The following TEP1 variants were observed in gnomAD, a reference collection of about 807,000 sequenced individuals.
TEP1 encodes the protein telomerase protein component 1.
A neutral mutation model predicts 306.3 loss-of-function variants in TEP1; 241 were observed. The ratio of observed to expected loss-of-function variants is 0.79; its 90% CI spans 0.71 to 0.88. The LOEUF (loss-of-function observed/expected upper bound fraction) is 0.88. Among genes scored for constraint, TEP1 ranks in the 40% least tolerant of loss-of-function variants. The pLI, the probability that TEP1 is intolerant of heterozygous loss-of-function variation, is 0.00. For missense variants in TEP1, 3,051 were observed against 3,276.1 expected (o/e 0.93, Z 1.68); for synonymous variants, 1,289 against 1,305.5 (o/e 0.99, Z 0.27).
chr14:20,372,885 T>C, intron 48 of TEP1, 28 bp from the exon 49 acceptor site: 2 of 1,614,044 alleles, frequency 1.2e-6, no homozygotes, highest in South Asian at 2.2e-5. Flanking sequence ...TTCAATTCAG[T>C]GCTTCTGATG....
chr14:20,386,403 C>T, intron 19 of TEP1, 44 bp downstream of exon 19: 1 of 1,576,444 alleles, frequency 6.3e-7, no homozygotes, highest in East Asian at 2.3e-5. Context: ...ACCACTCAAG[C>T]CCCTCATCCC....
chr14:20,366,911 GGCC>G lies in TEP1; in HGVS notation c.*1523_*1525del, dbSNP rs1389988581. The G allele has an allele frequency of 6.6e-6, 1 of 152,124 alleles. No individual in the cohort carries two copies. Among genetic ancestry groups the G allele is most frequent in the African/African-American group, 2.4e-5 (1 of 41,438 alleles). The allele number at this position is 152,124 out of a possible 1,614,324, so 9.4% of individuals were successfully genotyped here. On this transcript the variant is annotated 3_prime_UTR_variant, in exon 55 of 55. Transcript: ENST00000262715. The stretch of plus-strand genomic sequence containing the variant: ...TGCCTTTTGCTCTCCTAAAAGCATG[GGCC>G]AAGGGCAGGAGGAAGCTCTAGTTGT...
intron 9 of TEP1, among the ~76,000 whole-genome samples, chr14:20,399,175 G>T (rs1878459857): frequency 6.6e-6 from 1 of 152,206 alleles, no homozygotes; most frequent in Non-Finnish European, 1.5e-5. Context: ...TTACAGGCGT[G>T]AGCCATGGTG....
In TEP1 at chr14:20,390,735, C is replaced by T; in HGVS notation, c.2280G>A (p.Trp760Ter). The T allele has an allele frequency of 6.2e-7, 1 of 1,614,158 alleles. No individual in the cohort carries two copies. Among genetic ancestry groups the T allele is most frequent in the Non-Finnish European group, 8.5e-7 (1 of 1,180,026 alleles). Residue 760 changes from tryptophan (W) to a stop codon, truncating the protein, a stop_gained, in exon 15 of 55, where the codon TGG becomes TGA. Transcript: ENST00000262715. LOFTEE classifies it high-confidence loss of function. ...GGTATTTCCCAAAAGTATTCAGGGA[C>T]CATCCATCATTTTCATCAAACTCCT... ...QVQEFDENDG[W>*]SLNTFGKYLL...
intron 2 of TEP1, among the ~76,000 whole-genome samples, chr14:20,406,978 A>T (rs963081206): frequency 6.6e-6 from 1 of 152,252 alleles, no homozygotes; most frequent in African/African-American, 2.4e-5. Context: ...AAAGGCGAGG[A>T]AATTAAAGCT....
chr14:20,371,576 C>A lies in TEP1; in HGVS notation c.7133G>T (p.Trp2378Leu). The A allele has an allele frequency of 6.2e-7, 1 of 1,604,560 alleles. No homozygotes were observed. The highest frequency in any genetic ancestry group is 8.5e-7 in the Non-Finnish European group (1 of 1,178,040). ...GATGAGAAAGTGACCATCAGGAGCC[C>A]AATCCAGACTTGTCAGCACCCCTAA... The part of the protein sequence containing the change: ...EDLGVLTSLD[W>L]APDGHFLILA... The change falls in exon 50 of 55, where the codon TGG (tryptophan) becomes TTG (leucine). Residue 2378 changes from tryptophan (W) to leucine (L), a missense_variant. Trp to Leu is a moderately conservative substitution (Grantham distance 61). This residue lies in a region of TEP1 where 1,540 missense variants were observed against 1,705.9 expected (regional missense o/e 0.90). Transcript: ENST00000262715.
At chr14:20,386,218 G>A (rs754402128) in intron 19 of TEP1, 23 bp from the exon 20 acceptor site, 11 of 1,613,588 alleles carry the variant, frequency 6.8e-6, no homozygotes, top group South Asian at 2.2e-5. Context: ...TGATAGGGAC[G>A]TGTGGGAGTC....
rs199996170 is a variant in TEP1 at position 20,374,090 on chromosome 14, CT to C, written c.6472-281del. 9.7e-3 allele frequency among the ~76,000 whole-genome samples: 1,384 copies of C among 141,952 alleles called. 25 individuals are homozygous for C. The highest frequency in any genetic ancestry group is 0.081 in the East Asian group (398 of 4,934). The allele number at this position is 141,952 out of a possible 152,430, so 93.1% of individuals were successfully genotyped here. A position where few individuals can be genotyped will look rare whatever the true frequency, so the allele number is the denominator to read the frequency against. On this transcript the variant is annotated intron_variant, in intron 44 of 54. Transcript: ENST00000262715. ...CCCAAGTATCTCATTTTCTTTTTCT[CT>C]TTTTTTTTTTTTTAAAGATAGGGTC...
intron 41 of TEP1, 119 bp from the exon 42 acceptor site, chr14:20,376,383 T>C (rs1885179157): frequency 9.7e-7 from 1 of 1,034,992 alleles, no homozygotes; most frequent in Non-Finnish European, 1.4e-6. Context: ...CTCAGCTCCA[T>C]GGGAGGGATG....
Position 20,365,707 on chromosome 14 carries a change from CTT to C in TEP1, c.*2728_*2729del, listed in dbSNP as rs1386464360. 6.6e-6 allele frequency: 1 copy of C among 152,152 alleles called. No individual in the cohort carries two copies. Among genetic ancestry groups the C allele is most frequent in the Non-Finnish European group, 1.5e-5 (1 of 68,040 alleles). 9.4% of individuals were successfully genotyped at this position (152,152 alleles called of 1,614,324 possible). A position where few individuals can be genotyped will look rare whatever the true frequency, so the allele number is the denominator to read the frequency against. ...TTATTATTAAATTTGTCAGATATTACTTTTTAAATTCCTACACAGTTTCTAAA... is the reference window on the plus strand; with the variant it reads ...TTATTATTAAATTTGTCAGATATTACTTTAAATTCCTACACAGTTTCTAAA... On this transcript the variant is annotated 3_prime_UTR_variant, in exon 55 of 55. Transcript: ENST00000262715.
intron 2 of TEP1, 105 bp from the exon 3 acceptor site, chr14:20,406,505 A>C: frequency 9.7e-6 from 11 of 1,130,592 alleles, no homozygotes; most frequent in South Asian, 1.4e-5. Flanking sequence ...CTACATCTCC[A>C]TTAATAGCAC....
chr14:20,367,192 C>T lies in TEP1; in HGVS notation c.*1245G>A, dbSNP rs950479802. On this transcript the variant is annotated 3_prime_UTR_variant, in exon 55 of 55. Coordinates refer to ENST00000262715, the MANE Select transcript of TEP1 (RefSeq NM_007110.5). ...CCACCTGGCCAACATGGTGAAACTT[C>T]GTCTCTACTGAAATACAAAAATTAG... 10 of 152,104 alleles carry T rather than the reference C, an allele frequency of 6.6e-5. No homozygotes were observed. The highest frequency in any genetic ancestry group is 1.7e-4 in the African/African-American group (7 of 41,416). The allele number at this position is 152,104 out of a possible 1,614,324, so 9.4% of individuals were successfully genotyped here.
intron 53 of TEP1, 87 bp from the exon 54 acceptor site, chr14:20,368,989 A>G: frequency 1.1e-6 from 1 of 894,876 alleles, no homozygotes. Context: ...TCAGACCTAC[A>G]GCCCTCCTCC....
At position 20,389,642 on chromosome 14, in the gene TEP1, A is replaced by G; in HGVS notation, c.2433T>C (p.Phe811=). The change falls in exon 16 of 55, where the codon TTT becomes TTC. Residue 811 remains phenylalanine, a synonymous_variant. Transcript: ENST00000262715. ...GTACCCTTCTTAGGAGGATACCAAC[A>G]AAGAGGCACTTGGAATTCACACGCT... is the stretch of plus-strand genomic sequence containing the variant. ...YWQRVNSKCL[F]VGILLRRVQY... The G allele has an allele frequency of 6.2e-7, 1 of 1,614,244 alleles. No homozygotes were observed. Among genetic ancestry groups the G allele is most frequent in the Non-Finnish European group, 8.5e-7 (1 of 1,180,052 alleles).
chr14:20,380,359 G>C lies in TEP1; in HGVS notation c.4879C>G (p.Gln1627Glu). 1.2e-6 allele frequency: 2 copies of C among 1,614,242 alleles called. No individual in the cohort carries two copies. Among genetic ancestry groups the C allele is most frequent in the Non-Finnish European group, 1.7e-6 (2 of 1,180,038 alleles). Reference sequence around the variant, plus strand: ...GAGTCCAGGGGCTGGTTGGCTGCCTGCTGGGGCAGGAGCCGGGGGTACTGG... The same window carrying C: ...GAGTCCAGGGGCTGGTTGGCTGCCTCCTGGGGCAGGAGCCGGGGGTACTGG... The part of the protein sequence containing the change: ...LSQYPRLLPQ[Q>E]AANQPLDSPL... Residue 1627 changes from glutamine (Q) to glutamate (E), a missense_variant, in exon 34 of 55, where the codon CAG becomes GAG. Physicochemically the swap from Gln to Glu is conservative, Grantham distance 29 (BLOSUM62 2). This residue lies in a region of TEP1 where 1,540 missense variants were observed against 1,705.9 expected (regional missense o/e 0.90). Transcript: ENST00000262715.
chr14:20,372,362 ATGTGTGTGTGTGTGTGTAT>A (rs1343159190), intron 49 of TEP1, among the ~76,000 whole-genome samples: 3 of 135,008 alleles, frequency 2.2e-5, no homozygotes, highest in Non-Finnish European at 4.8e-5. Context: ...CCCCAGGAAT[ATGTGTGTGTGTGTGTGTAT>A]GTGTGTGTGT....
At chr14:20,391,960 G>T (rs1877767442) in intron 12 of TEP1, among the ~76,000 whole-genome samples, 193 bp from the exon 13 acceptor site, 1 of 152,062 alleles carries the variant, frequency 6.6e-6, no homozygotes, top group Admixed American at 6.6e-5. Flanking sequence ...CATCCTATAG[G>T]ATTCTTCTAA....
At position 20,369,661 on chromosome 14, in the gene TEP1, T is replaced by C. The variant is rs1884705613; in HGVS notation, c.7423+13A>G. Reference sequence around the variant, plus strand: ...CATCTCCCGGCTCCTCAGGTCCTCCTGTTACCACTCACCAGATTCAGGTTT... The same window carrying C: ...CATCTCCCGGCTCCTCAGGTCCTCCCGTTACCACTCACCAGATTCAGGTTT... On this transcript the variant is annotated intron_variant, in intron 52 of 54. Coordinates refer to ENST00000262715, the MANE Select transcript of TEP1 (RefSeq NM_007110.5). The C allele has an allele frequency of 6.2e-7, 1 of 1,613,602 alleles. No individual in the cohort carries two copies. Among genetic ancestry groups the C allele is most frequent in the Non-Finnish European group, 8.5e-7 (1 of 1,179,636 alleles).
chr14:20,369,818 T>C (rs754889407), intron 51 of TEP1, 39 bp from the exon 52 acceptor site: 3 of 1,518,308 alleles, frequency 2.0e-6, no homozygotes, highest in East Asian at 2.3e-5. Flanking sequence ...CCTACCCATA[T>C]GAGTCAACTT....
Sources: gnomAD v4.1 joint callset for allele counts (sites outside exome capture counted in the v4.1 genomes callset) on GRCh38, gnomAD v4.1.1 for gene constraint, gnomAD v4.1.1 regional missense constraint, MANE v1.5 for transcripts, NCBI Gene and HGNC (gene_info 2026-07-23, HGNC 2026-07-21) for gene names.